The following CACNA2D2 variants were observed in gnomAD, a reference collection of about 807,000 sequenced individuals.
CACNA2D2 encodes the protein calcium voltage-gated channel auxiliary subunit alpha2delta 2, also known as voltage-dependent calcium channel subunit alpha-2/delta-2.
CACNA2D2 carries 48 observed loss-of-function variants against 166.4 expected under a neutral mutation model. The observed-to-expected ratio is 0.29, with a 90% CI of 0.23 to 0.37. The LOEUF (loss-of-function observed/expected upper bound fraction) is 0.37, where lower values mean the gene tolerates loss of function less well. Among genes scored for constraint, CACNA2D2 ranks in the 10% least tolerant of loss-of-function variants. The pLI is 1.00. For synonymous variants in CACNA2D2, 561 were observed against 573.7 expected, an observed-to-expected ratio of 0.98 and a Z score of 0.32; for missense variants, 1,122 against 1,433.0, an observed-to-expected ratio of 0.78 and a Z score of 3.50.
intron 1 of CACNA2D2, among the ~76,000 whole-genome samples, chr3:50,484,612 C>A (rs1489911384): frequency 6.6e-6 from 1 of 152,204 alleles, no homozygotes; most frequent in Admixed American, 6.5e-5. Context: ...TCTCCACACA[C>A]ACGTCACCTG....
At chr3:50,418,497 C>T (rs1707374620) in intron 3 of CACNA2D2, among the ~76,000 whole-genome samples, 1 of 152,238 alleles carries the variant, frequency 6.6e-6, no homozygotes, top group South Asian at 2.1e-4. Context: ...AATCTTGCCA[C>T]AGGCCCACTC....
intron 1 of CACNA2D2, among the ~76,000 whole-genome samples, chr3:50,484,988 C>A (rs1334163348): frequency 6.6e-6 from 1 of 152,244 alleles, no homozygotes; most frequent in African/African-American, 2.4e-5. Flanking sequence ...CCTCCCTTCC[C>A]CTGGCTTCTT....
In CACNA2D2 at chr3:50,375,534, A is replaced by G; in HGVS notation, c.1907+110T>C. ...GGGTGAGTAGTGAGCAGCCCTGGCC[A>G]CTGGTGCCCCACTGGGATGGTGGTC... On this transcript the variant is annotated intron_variant, in intron 21 of 37. Transcript: ENST00000424201. This position sits in a 1 kb window ranked among gnomAD's most constrained non-coding sequence, Gnocchi z 4.0. The G allele has an allele frequency of 8.6e-7, 1 of 1,167,666 alleles. No homozygotes were observed. 72.3% of individuals were successfully genotyped at this position (1,167,666 alleles called of 1,614,324 possible).
intron 1 of CACNA2D2, among the ~76,000 whole-genome samples, chr3:50,486,987 C>T (rs994630428): frequency 3.9e-5 from 6 of 152,238 alleles, no homozygotes; most frequent in African/African-American, 9.6e-5. Flanking sequence ...GGAGGGCCTG[C>T]GTGCTGGGCA....
In CACNA2D2 at chr3:50,378,989, C is replaced by T. The variant is rs1465295956; in HGVS notation, c.1265G>A (p.Arg422His). Residue 422 changes from arginine (R) to histidine (H), a missense_variant, in exon 13 of 38, where the codon CGC (arginine) becomes CAC (histidine). This residue lies in a region of CACNA2D2 where 840 missense variants were observed against 1,166.8 expected (regional missense o/e 0.72). Transcript: ENST00000424201. ...CTGCCCCACGGAGAAAGTAAACACGCGCACCTGTGGGGGGTTTGAGGTTAC... is the reference window on the plus strand; with the variant it reads ...CTGCCCCACGGAGAAAGTAAACACGTGCACCTGTGGGGGGTTTGAGGTTAC... ...EKYNWPNRTV[R>H]VFTFSVGQHN... 2 of 1,613,920 alleles carry T rather than the reference C, an allele frequency of 1.2e-6. No homozygotes were observed. Among genetic ancestry groups the T allele is most frequent in the Non-Finnish European group, 1.7e-6 (2 of 1,180,032 alleles).
In CACNA2D2 at chr3:50,366,694, T is replaced by A. The variant is rs587618679; in HGVS notation, c.2590-69A>T. On this transcript the variant is annotated intron_variant, in intron 29 of 37. Coordinates refer to ENST00000424201, the MANE Select transcript of CACNA2D2 (RefSeq NM_006030.4). This position sits in a 1 kb window ranked among gnomAD's most constrained non-coding sequence, Gnocchi z 5.9. ...CCTCCCTCCCATCACCTTTCATACATCCGGTTCCCCAGGCCATCTGCAGCT... is the reference window on the plus strand; with the variant it reads ...CCTCCCTCCCATCACCTTTCATACAACCGGTTCCCCAGGCCATCTGCAGCT... 11 of 1,596,052 alleles carry A rather than the reference T, an allele frequency of 6.9e-6. No homozygotes were observed. In the South Asian group the frequency reaches 9.9e-5, roughly 14 times the overall value.
chr3:50,384,505 G>C (rs1705493442), intron 5 of CACNA2D2, among the ~76,000 whole-genome samples, 168 bp from the exon 6 acceptor site: 1 of 152,160 alleles, frequency 6.6e-6, no homozygotes, highest in African/African-American at 2.4e-5. Flanking sequence ...GGGACAGATG[G>C]ACACGGGGTT....
At chr3:50,445,977 A>G (rs886191182) in intron 2 of CACNA2D2, among the ~76,000 whole-genome samples, 14 of 151,980 alleles carry the variant, frequency 9.2e-5, no homozygotes, top group African/African-American at 2.7e-4. Context: ...GGTGTATGCA[A>G]AACTCCAGCA....
intron 22 of CACNA2D2, among the ~76,000 whole-genome samples, chr3:50,372,261 G>T (rs1207751628): frequency 6.6e-6 from 1 of 152,182 alleles, no homozygotes; most frequent in East Asian, 1.9e-4. Context: ...AAACACCTTT[G>T]CTGGCTCTTG....
At chr3:50,501,798 T>G (rs1698975279) in intron 1 of CACNA2D2, among the ~76,000 whole-genome samples, 1 of 152,124 alleles carries the variant, frequency 6.6e-6, no homozygotes, top group Non-Finnish European at 1.5e-5. Flanking sequence ...ATGATTGAAG[T>G]CCATTTCCAT....
At chr3:50,368,043 C>T in intron 24 of CACNA2D2, 95 bp downstream of exon 24, 2 of 1,193,058 alleles carry the variant, frequency 1.7e-6, no homozygotes, top group Middle Eastern at 2.3e-4. Flanking sequence ...CTTGTGCCTG[C>T]TTATTTCCAC....
intron 3 of CACNA2D2, among the ~76,000 whole-genome samples, chr3:50,422,923 C>A (rs578204104): frequency 1.1e-4 from 16 of 152,364 alleles, no homozygotes; most frequent in African/African-American, 2.9e-4. Flanking sequence ...CTCTGCTACG[C>A]GGCCAACAGA....
At position 50,381,016 on chromosome 3, in the gene CACNA2D2, C is replaced by T; in HGVS notation, c.763G>A (p.Gly255Arg). 6.2e-7 allele frequency: 1 copy of T among 1,613,904 alleles called. No individual in the cohort carries two copies. The highest frequency in any genetic ancestry group is 8.5e-7 in the Non-Finnish European group (1 of 1,179,876). ...CTACCCGGGTAGTAGCGAGTGACTCCTGTGGCGCTGCCGAAGACCTGCCAC... is the reference window on the plus strand; with the variant it reads ...CTACCCGGGTAGTAGCGAGTGACTCTTGTGGCGCTGCCGAAGACCTGCCAC... Reference protein sequence around the residue: ...LLWQVFGSATGVTRYYPATPW... With the variant: ...LLWQVFGSATRVTRYYPATPW... Residue 255 changes from glycine (G) to arginine (R), a missense_variant, in exon 7 of 38, where the codon GGA (glycine) becomes AGA (arginine). Transcript: ENST00000424201.
chr3:50,385,408 C>T (rs587721439), intron 5 of CACNA2D2, among the ~76,000 whole-genome samples: 1 of 152,276 alleles, frequency 6.6e-6, no homozygotes, highest in Non-Finnish European at 1.5e-5. Flanking sequence ...CATTCTCCCC[C>T]ATGGGTCCAC....
In CACNA2D2 at chr3:50,380,331, G is replaced by A. The variant is rs1027410170; in HGVS notation, c.843-313C>T. Among the ~76,000 whole-genome samples the A allele has an allele frequency of 5.3e-5, 8 of 152,206 alleles. No homozygotes were observed. The highest frequency in any genetic ancestry group is 1.9e-4 in the African/African-American group (8 of 41,440). On this transcript the variant is annotated intron_variant, in intron 8 of 37. Coordinates refer to ENST00000424201, the MANE Select transcript of CACNA2D2 (RefSeq NM_006030.4). This position sits in a 1 kb window ranked among gnomAD's most constrained non-coding sequence, Gnocchi z 4.9. ...CTCTGCCTCAGGTTGGGGCCCCGAG[G>A]GCACAGTCTAGCTGTGTATGGGATG...
intron 5 of CACNA2D2, 82 bp downstream of exon 5, chr3:50,387,486 T>C: frequency 8.7e-7 from 1 of 1,148,000 alleles, no homozygotes; most frequent in Non-Finnish European, 1.3e-6. Flanking sequence ...TCAGAATGTG[T>C]GGCGCTGAGT....
In CACNA2D2 at chr3:50,365,320, C is replaced by A. The variant is rs372712849; in HGVS notation, c.3098+36G>T. 108 of 1,607,494 alleles carry A rather than the reference C, an allele frequency of 6.7e-5. No individual in the cohort carries two copies. The East Asian group carries it at 7.2e-4, about 11-fold the overall frequency. Reference sequence around the variant, plus strand: ...AGCGTCTCGCCCCGCTCACAGGTTCCGCCCTTGGCCTCTGGTCCCGCCCCA... The same window carrying A: ...AGCGTCTCGCCCCGCTCACAGGTTCAGCCCTTGGCCTCTGGTCCCGCCCCA... On this transcript the variant is annotated intron_variant, in intron 35 of 37. Coordinates refer to ENST00000424201, the MANE Select transcript of CACNA2D2 (RefSeq NM_006030.4). The surrounding 1 kb of genome is among the most constrained non-coding windows in gnomAD (Gnocchi z 4.5).
intron 2 of CACNA2D2, among the ~76,000 whole-genome samples, chr3:50,472,231 G>C (rs562543955): frequency 1.3e-5 from 2 of 152,366 alleles, no homozygotes; most frequent in African/African-American, 2.4e-5. Context: ...AGGATCACAG[G>C]AATAACTAGC....
intron 3 of CACNA2D2, among the ~76,000 whole-genome samples, chr3:50,431,980 C>CAAAAAAA (rs57712165): frequency 1.2e-4 from 11 of 92,216 alleles, no homozygotes; most frequent in African/African-American, 4.3e-4. Flanking sequence ...GTGTCTGTCT[C>CAAAAAAA]AAAAAAAAAA....
Sources: gnomAD v4.1 joint callset for allele counts (sites outside exome capture counted in the v4.1 genomes callset) on GRCh38, gnomAD v4.1.1 for gene constraint, gnomAD v4.1.1 regional missense constraint, Gnocchi (gnomAD v3.1) non-coding constraint, MANE v1.5 for transcripts, NCBI Gene and HGNC (gene_info 2026-07-23, HGNC 2026-07-21) for gene names.